Variants in HMGXB3 observed in about 807,000 individuals in gnomAD.
HMGXB3 encodes HMG domain-containing protein 3.
Under a neutral mutation model 121.5 loss-of-function variants are expected in HMGXB3, and 45 were observed. That is an observed-to-expected ratio of 0.37 (90% CI 0.29 to 0.47). The LOEUF (loss-of-function observed/expected upper bound fraction) is 0.47, where lower values mean the gene tolerates loss of function less well. HMGXB3 is among the 20% of genes least tolerant of loss of function. HMGXB3 has a pLI of 0.99. For synonymous variants in HMGXB3, 590 were observed against 624.1 expected, an observed-to-expected ratio of 0.95 and a Z score of 0.81; for missense variants, 1,376 against 1,602.2, an observed-to-expected ratio of 0.86 and a Z score of 2.41.
At chr5:150,039,672 A>G (rs146488522) in intron 13 of HMGXB3, among the ~76,000 whole-genome samples, 137 of 151,390 alleles carry the variant, frequency 9.0e-4, no homozygotes, top group African/African-American at 3.2e-3. Context: ...TTATCGCTCT[A>G]TTTATTCAGT....
intron 5 of HMGXB3, chr5:150,015,064 CAA>C (rs1755928501): frequency 2.3e-6 from 1 of 427,720 alleles, no homozygotes; most frequent in Non-Finnish European, 4.2e-6. Context: ...AAGTTAGTAA[CAA>C]AAGCCAAAGG....
chr5:150,050,577 G>A (rs1756867141), intron 19 of HMGXB3, 116 bp downstream of exon 19: 1 of 741,642 alleles, frequency 1.3e-6, no homozygotes, highest in Non-Finnish European at 2.2e-6. Flanking sequence ...TGCCTCCCAG[G>A]TTCAAGCAGT....
intron 11 of HMGXB3, among the ~76,000 whole-genome samples, chr5:150,035,317 T>C (rs898189178): frequency 6.6e-6 from 1 of 152,116 alleles, no homozygotes. Context: ...CCAGCATGCA[T>C]AGAGATCACA....
rs1176561685 is a variant in HMGXB3 at position 150,032,445 on chromosome 5, C to T, written c.1834-9C>T. ...TTTGTAGAATTGAACACTGGTCTTA[C>T]TTTTTTAGGATTTGGGCCTGGCTAC... On this transcript the variant is annotated splice_polypyrimidine_tract_variant and intron_variant, in intron 10 of 19. Coordinates refer to ENST00000502717, the MANE Select transcript of HMGXB3 (RefSeq NM_014983.3). 1 of 1,550,632 alleles carries T rather than the reference C, an allele frequency of 6.4e-7. No individual in the cohort carries two copies. Among genetic ancestry groups the T allele is most frequent in the Non-Finnish European group, 8.7e-7 (1 of 1,146,378 alleles).
chr5:150,030,021 A>T (rs1756335453), intron 9 of HMGXB3, among the ~76,000 whole-genome samples: 1 of 152,254 alleles, frequency 6.6e-6, no homozygotes, highest in Non-Finnish European at 1.5e-5. Flanking sequence ...GGTATTTGTT[A>T]AAAGCCACAA....
intron 7 of HMGXB3, among the ~76,000 whole-genome samples, chr5:150,025,935 A>G (rs915041689): frequency 6.6e-6 from 1 of 151,618 alleles, no homozygotes; most frequent in Non-Finnish European, 1.5e-5. Context: ...GGTCCATGCC[A>G]TTCTCCTGCC....
intron 7 of HMGXB3, among the ~76,000 whole-genome samples, chr5:150,025,475 ATG>A (rs1195693694): frequency 2.7e-5 from 4 of 150,182 alleles, no homozygotes; most frequent in East Asian, 1.9e-4. Flanking sequence ...GCAAATATGT[ATG>A]TGTGTGTGTG....
chr5:150,046,927 C>T (rs1372688418), intron 16 of HMGXB3, among the ~76,000 whole-genome samples: 2 of 149,772 alleles, frequency 1.3e-5, no homozygotes, highest in African/African-American at 4.9e-5. Flanking sequence ...GCTCTGTTGC[C>T]CAGGCTGGAG....
chr5:150,030,796 C>T lies in HMGXB3; in HGVS notation c.1790C>T (p.Pro597Leu), dbSNP rs1756353749. Residue 597 changes from proline to leucine, a missense_variant, in exon 10 of 20, where the codon CCC (proline) becomes CTC (leucine). By Grantham distance (98) the Pro-to-Leu change is moderately conservative. This residue lies in a region of HMGXB3 where 1,116 missense variants were observed against 1,369.0 expected (regional missense o/e 0.82). Coordinates refer to ENST00000502717, the MANE Select transcript of HMGXB3 (RefSeq NM_014983.3). The part of the protein sequence containing the change: ...TSQVKVVEVK[P>L]DMFPPYKYSC... ...CAGGTGAAAGTTGTGGAGGTCAAGCCCGATATGTTTCCTCCATATAAGTAC... is the reference window on the plus strand; with the variant it reads ...CAGGTGAAAGTTGTGGAGGTCAAGCTCGATATGTTTCCTCCATATAAGTAC... 6.4e-7 allele frequency: 1 copy of T among 1,552,172 alleles called. No homozygotes were observed. Among genetic ancestry groups the T allele is most frequent in the Non-Finnish European group, 8.7e-7 (1 of 1,147,054 alleles).
intron 15 of HMGXB3, among the ~76,000 whole-genome samples, chr5:150,044,227 AAACTT>A (rs1756702019): frequency 6.6e-6 from 1 of 152,204 alleles, no homozygotes; most frequent in African/African-American, 2.4e-5. Context: ...TTATTGAACA[AAACTT>A]AAATATGCTG....
At chr5:150,002,667 A>C (rs981134004) in intron 1 of HMGXB3, among the ~76,000 whole-genome samples, 11 of 151,974 alleles carry the variant, frequency 7.2e-5, no homozygotes, top group African/African-American at 2.4e-4. Flanking sequence ...ACTTGGCTAC[A>C]AAAAAAACTA....
intron 19 of HMGXB3, 73 bp downstream of exon 19, chr5:150,050,534 T>G: frequency 8.3e-7 from 1 of 1,201,436 alleles, no homozygotes. Context: ...CAGGCTGGAG[T>G]GCAGTGGTGT....
intron 2 of HMGXB3, among the ~76,000 whole-genome samples, chr5:150,005,616 AAAAG>A (rs1755683099): frequency 6.7e-6 from 1 of 149,618 alleles, no homozygotes; most frequent in South Asian, 2.1e-4. Context: ...AAAAAAAAAG[AAAAG>A]AAAAAGAAAA....
At chr5:150,018,744 C>G in intron 6 of HMGXB3, 47 bp downstream of exon 6, 1 of 1,497,042 alleles carries the variant, frequency 6.7e-7, no homozygotes, top group Non-Finnish European at 9.0e-7. Flanking sequence ...ACAGAATAGA[C>G]TTTCTGTTTG....
At chr5:150,025,839 A>G (rs985892480) in intron 7 of HMGXB3, among the ~76,000 whole-genome samples, 1 of 145,036 alleles carries the variant, frequency 6.9e-6, no homozygotes, top group Non-Finnish European at 1.5e-5. Flanking sequence ...TCCCAAATAC[A>G]TCTTGCTTTT....
rs183226222 is a variant in HMGXB3, at chr5:150,031,834, C to T, written c.1834-620C>T. On this transcript the variant is annotated intron_variant, in intron 10 of 19. Coordinates refer to ENST00000502717, the MANE Select transcript of HMGXB3 (RefSeq NM_014983.3). ...ACAATGTGATGGGTTAATGTCTGGC[C>T]TGACCTGATCCATAAGGAGAATGTG... 7.9e-5 allele frequency among the ~76,000 whole-genome samples: 12 copies of T among 152,256 alleles called. No homozygotes were observed. In the East Asian group the frequency reaches 2.1e-3, roughly 27 times the overall value.
rs1476527100 is a variant in HMGXB3, at chr5:150,040,889, G to A, written c.2545+10G>A. 3.2e-6 allele frequency: 5 copies of A among 1,542,364 alleles called. No homozygotes were observed. The South Asian group carries it at 6.1e-5, about 19-fold the overall frequency. On this transcript the variant is annotated intron_variant, in intron 14 of 19. Coordinates refer to ENST00000502717, the MANE Select transcript of HMGXB3 (RefSeq NM_014983.3). Reference sequence around the variant, plus strand: ...GTGCAGGAGCAGACAGGTAAAAGTTGTTTTCTTCCCTTTCCCAAGGTTAGT... The same window carrying A: ...GTGCAGGAGCAGACAGGTAAAAGTTATTTTCTTCCCTTTCCCAAGGTTAGT...
Position 150,045,697 on chromosome 5 carries a change from T to G in HMGXB3, c.2950+12T>G. ...GCAGCCAGTACCTGGTAAGGCCACC[T>G]GGTGGCTGACTGGGGTCAAAAAAGG... On this transcript the variant is annotated intron_variant, in intron 16 of 19. Transcript: ENST00000502717. 6.5e-7 allele frequency: 1 copy of G among 1,547,408 alleles called. No homozygotes were observed. Among genetic ancestry groups the G allele is most frequent in the Non-Finnish European group, 8.7e-7 (1 of 1,143,088 alleles).
chr5:150,016,749 G>A (rs1239844534), intron 5 of HMGXB3, among the ~76,000 whole-genome samples: 1 of 152,130 alleles, frequency 6.6e-6, no homozygotes, highest in African/African-American at 2.4e-5. Flanking sequence ...TATATTTAAT[G>A]TGATTATTGA....
Sources: allele counts gnomAD v4.1 joint callset (sites outside exome capture counted in the v4.1 genomes callset), GRCh38; gene constraint gnomAD v4.1.1; regional missense constraint gnomAD v4.1.1; transcripts MANE v1.5; gene names NCBI Gene and HGNC (gene_info 2026-07-23, HGNC 2026-07-21).